The following UNC13C variants were observed in gnomAD, a reference collection of about 807,000 sequenced individuals.
UNC13C encodes the protein unc-13 homolog C, also known as protein unc-13 homolog C.
A neutral mutation model predicts 245.4 loss-of-function variants in UNC13C; 174 were observed. The ratio of observed to expected loss-of-function variants is 0.71; its 90% CI spans 0.63 to 0.80. UNC13C has a LOEUF of 0.80. UNC13C is among the 30% of genes least tolerant of loss of function. The pLI, the probability that UNC13C is intolerant of heterozygous loss-of-function variation, is 0.00. For missense variants in UNC13C, 2,829 were observed against 2,602.9 expected (o/e 1.09, Z -1.89); for synonymous variants, 992 against 895.1 (o/e 1.11, Z -1.93).
chr15:54,525,583 T>C lies in UNC13C; in HGVS notation c.5492T>C (p.Leu1831Pro). The C allele has an allele frequency of 6.2e-7, 1 of 1,613,104 alleles. No individual in the cohort carries two copies. Among genetic ancestry groups the C allele is most frequent in the Non-Finnish European group, 8.5e-7 (1 of 1,179,574 alleles). ...GAAGCTAGTACTATTCTAAAAGAACTTCAGGTTAAGCTCAGTGGGGTCCTG... is the reference window on the plus strand; with the variant it reads ...GAAGCTAGTACTATTCTAAAAGAACCTCAGGTTAAGCTCAGTGGGGTCCTG... ...DSEASTILKE[L>P]QVKLSGVLDE... The change falls in exon 25 of 33, where the codon CTT becomes CCT. Residue 1831 changes from leucine (L) to proline (P), a missense_variant. Leu to Pro is a moderately conservative substitution (Grantham distance 98, BLOSUM62 -3). Transcript: ENST00000260323.
intron 29 of UNC13C, among the ~76,000 whole-genome samples, chr15:54,556,026 G>A (rs8040699): frequency 0.061 from 9,315 of 152,124 alleles, 392 homozygotes; most frequent in Admixed American, 0.13. Flanking sequence ...GTACGCATCA[G>A]CTGTTTTCAT....
chr15:54,624,378 A>G (rs1175564995), intron 32 of UNC13C, among the ~76,000 whole-genome samples: 1 of 137,420 alleles, frequency 7.3e-6, no homozygotes, highest in African/African-American at 2.9e-5. Context: ...GGCATGGAAG[A>G]GCAGAACATT....
the UNC13C span, chr15:53,947,666 A>G: frequency 6.6e-6 from 1 of 152,126 alleles, no homozygotes; most frequent in Admixed American, 6.5e-5. Flanking sequence ...TGTCCGTTCG[A>G]TCTTGTCACC....
At chr15:54,552,605 TAA>T (rs1896836600) in intron 28 of UNC13C, among the ~76,000 whole-genome samples, 1 of 57,052 alleles carries the variant, frequency 1.8e-5, no homozygotes, top group African/African-American at 7.9e-5. Context: ...ATATAATATA[TAA>T]TTATATAATT....
chr15:54,283,907 A>G (rs1470387978), intron 10 of UNC13C, among the ~76,000 whole-genome samples: 1 of 152,206 alleles, frequency 6.6e-6, no homozygotes, highest in Non-Finnish European at 1.5e-5. Context: ...CTATTATTCC[A>G]TCATGTCTAA....
At chr15:54,511,550 T>G (rs953190028) in intron 23 of UNC13C, among the ~76,000 whole-genome samples, 5 of 152,136 alleles carry the variant, frequency 3.3e-5, no homozygotes, top group Non-Finnish European at 7.4e-5. Context: ...TGTTTTTAAA[T>G]TTCATTCCCC....
intron 4 of UNC13C, among the ~76,000 whole-genome samples, chr15:54,212,970 C>T (rs1381480351): frequency 6.6e-6 from 1 of 152,018 alleles, no homozygotes; most frequent in Non-Finnish European, 1.5e-5. Flanking sequence ...GTAAGAACAA[C>T]ATTTTGGATT....
intron 19 of UNC13C, among the ~76,000 whole-genome samples, chr15:54,481,505 G>A (rs77429403): frequency 0.03 from 4,523 of 152,248 alleles, 183 homozygotes; most frequent in Admixed American, 0.12. Flanking sequence ...ACCTGCAGTC[G>A]GCAGGTGGGT....
chr15:54,466,536 A>G (rs1892181186), intron 19 of UNC13C, among the ~76,000 whole-genome samples: 1 of 151,938 alleles, frequency 6.6e-6, no homozygotes, highest in African/African-American at 2.4e-5. Context: ...CATGTTGGAG[A>G]TGAACTTCAG....
intron 19 of UNC13C, among the ~76,000 whole-genome samples, chr15:54,479,371 CT>C (rs1190908932): frequency 1.3e-5 from 2 of 152,110 alleles, no homozygotes; most frequent in Non-Finnish European, 2.9e-5. Flanking sequence ...TGTAAAGTCT[CT>C]TTTGTCTGCT....
intron 19 of UNC13C, among the ~76,000 whole-genome samples, chr15:54,450,861 C>T (rs1891134690): frequency 6.6e-6 from 1 of 152,214 alleles, no homozygotes; most frequent in African/African-American, 2.4e-5. Flanking sequence ...TTCTGCATCG[C>T]TCACACTGGG....
the UNC13C span, among the ~76,000 whole-genome samples, chr15:53,918,768 A>T: frequency 6.6e-6 from 1 of 152,184 alleles, no homozygotes; most frequent in African/African-American, 2.4e-5. Context: ...TCTTCCTGGA[A>T]GTGCCTGTCA....
At chr15:54,186,633 G>T (rs978331009) in intron 4 of UNC13C, among the ~76,000 whole-genome samples, 5 of 151,766 alleles carry the variant, frequency 3.3e-5, no homozygotes, top group Non-Finnish European at 5.9e-5. Context: ...CACCCACACT[G>T]TGGGAAATAT....
intron 25 of UNC13C, among the ~76,000 whole-genome samples, chr15:54,527,901 T>A (rs1348826210): frequency 1.3e-5 from 2 of 152,128 alleles, no homozygotes; most frequent in African/African-American, 4.8e-5. Context: ...ACCAATCAGG[T>A]CTATATTATA....
chr15:54,280,763 T>C (rs1480084274), intron 10 of UNC13C, among the ~76,000 whole-genome samples: 1 of 136,000 alleles, frequency 7.4e-6, no homozygotes, highest in African/African-American at 3.1e-5. Flanking sequence ...TACACATACA[T>C]ACATACATAT....
intron 19 of UNC13C, among the ~76,000 whole-genome samples, chr15:54,476,015 T>A (rs200953067): frequency 0.032 from 3,666 of 114,394 alleles, 547 homozygotes; most frequent in East Asian, 0.14. Context: ...TGGCGTGAGA[T>A]GGTATCTCAT....
At chr15:54,127,443 A>C (rs2031119064) in intron 2 of UNC13C, among the ~76,000 whole-genome samples, 1 of 152,082 alleles carries the variant, frequency 6.6e-6, no homozygotes, top group South Asian at 2.1e-4. Context: ...TTCTCAGCAA[A>C]CTAACACAGG....
the UNC13C span, among the ~76,000 whole-genome samples, chr15:53,865,630 T>G: frequency 2.0e-5 from 3 of 152,082 alleles, no homozygotes; most frequent in Non-Finnish European, 4.4e-5. Context: ...GGGAAAAAAT[T>G]TAGCCCATAA....
At chr15:54,298,382 C>T (rs1453982536) in intron 12 of UNC13C, among the ~76,000 whole-genome samples, 1 of 152,158 alleles carries the variant, frequency 6.6e-6, no homozygotes, top group Non-Finnish European at 1.5e-5. Context: ...AATTAGGACT[C>T]TATTTATAAC....
Sources: gnomAD v4.1 joint callset for allele counts (sites outside exome capture counted in the v4.1 genomes callset) on GRCh38, gnomAD v4.1.1 for gene constraint, MANE v1.5 for transcripts, NCBI Gene and HGNC (gene_info 2026-07-23, HGNC 2026-07-21) for gene names.